EFR3A: variants seen among roughly 807,000 people sequenced by gnomAD.
The protein encoded by EFR3A is protein EFR3 homolog A.
EFR3A carries 76 observed loss-of-function variants against 104.4 expected under a neutral mutation model. The observed-to-expected ratio is 0.73, with a 90% confidence interval of 0.60 to 0.88. EFR3A has a LOEUF of 0.88. Ranked by LOEUF, EFR3A falls within the 40% of genes least tolerant of loss-of-function variation. The pLI, the probability that EFR3A is intolerant of heterozygous loss-of-function variation, is 0.00. For synonymous variants in EFR3A, 330 were observed against 330.0 expected, an observed-to-expected ratio of 1.00 and a Z score of 0.00; for missense variants, 985 against 1,012.5, an observed-to-expected ratio of 0.97 and a Z score of 0.37.
At chr8:131,992,058 T>C (rs1285542270) in intron 18 of EFR3A, among the ~76,000 whole-genome samples, 1 of 152,130 alleles carries the variant, frequency 6.6e-6, no homozygotes, top group Non-Finnish European at 1.5e-5. Flanking sequence ...TCAACATGAC[T>C]CTCTTTCTGC....
chr8:131,984,946 T>A lies in EFR3A; in HGVS notation c.1755T>A (p.Asn585Lys), dbSNP rs751678029. 65 of 1,613,302 alleles carry A rather than the reference T, an allele frequency of 4.0e-5. No homozygotes were observed. The highest frequency in any genetic ancestry group is 5.3e-5 in the Non-Finnish European group (63 of 1,179,544). The change falls in exon 16 of 23, where the codon AAT (asparagine) becomes AAA (lysine). Residue 585 changes from asparagine to lysine, a missense_variant. By Grantham distance (94) the Asn-to-Lys change is moderately conservative. Transcript: ENST00000254624. ...TATTAAAGGACAGTGCAATTATCAA[T>A]GAGGATAATTTGCCAATGTTCCATC... ...AIALQDSAII[N>K]EDNLPMFHRC...
rs143572162 is a variant in EFR3A, at chr8:132,005,700, C to G, written c.2360+2415C>G. Among the ~76,000 whole-genome samples the G allele has an allele frequency of 3.3e-3, 507 of 152,168 alleles. 3 individuals are homozygous for G. Among genetic ancestry groups the G allele is most frequent in the Non-Finnish European group, 6.0e-3 (407 of 67,990 alleles). ...TTTTAATGTTCCTCTCATAAGAGTACTAAAACATAACTAACAAGAAGACAA... is the reference window on the plus strand; with the variant it reads ...TTTTAATGTTCCTCTCATAAGAGTAGTAAAACATAACTAACAAGAAGACAA... On this transcript the variant is annotated intron_variant, in intron 22 of 22. Coordinates refer to ENST00000254624, the MANE Select transcript of EFR3A (RefSeq NM_015137.6).
chr8:131,912,981 ATTTT>A (rs3051318), intron 1 of EFR3A, among the ~76,000 whole-genome samples: 28,314 of 141,324 alleles, frequency 0.2, 2,856 homozygotes, highest in East Asian at 0.33. Context: ...TATCACTTGT[ATTTT>A]TTTTTTTTTT....
At chr8:131,989,186 C>G (rs1821039390) in intron 18 of EFR3A, among the ~76,000 whole-genome samples, 1 of 152,122 alleles carries the variant, frequency 6.6e-6, no homozygotes, top group African/African-American at 2.4e-5. Context: ...CATTAGTATC[C>G]TACCTTAATG....
At chr8:131,931,845 C>G (rs1279256821) in intron 1 of EFR3A, among the ~76,000 whole-genome samples, 2 of 151,936 alleles carry the variant, frequency 1.3e-5, no homozygotes, top group Non-Finnish European at 2.9e-5. Flanking sequence ...TGCTGCTTTT[C>G]TTCATTTTGC....
At chr8:131,906,818 T>C (rs1470718023) in intron 1 of EFR3A, among the ~76,000 whole-genome samples, 1 of 152,236 alleles carries the variant, frequency 6.6e-6, no homozygotes, top group African/African-American at 2.4e-5. Context: ...TGCTGAATGC[T>C]GTTGCAAACC....
At chr8:131,969,788 G>A (rs1218981962) in intron 9 of EFR3A, among the ~76,000 whole-genome samples, 3 of 152,040 alleles carry the variant, frequency 2.0e-5, no homozygotes, top group Non-Finnish European at 2.9e-5. Flanking sequence ...TCATCACATC[G>A]ATTAATGTCT....
chr8:131,913,137 T>G (rs1012149583), intron 1 of EFR3A, among the ~76,000 whole-genome samples: 3 of 151,300 alleles, frequency 2.0e-5, no homozygotes, highest in African/African-American at 7.3e-5. Flanking sequence ...TTTCTGTTTT[T>G]TTTTTTTTTT....
chr8:131,949,484 C>G (rs949308020), intron 4 of EFR3A, among the ~76,000 whole-genome samples: 6 of 151,962 alleles, frequency 3.9e-5, no homozygotes, highest in South Asian at 4.1e-4. Context: ...TTTTCTTCCT[C>G]TTGTTTTCTA....
intron 22 of EFR3A, among the ~76,000 whole-genome samples, chr8:132,007,391 T>C (rs1232575563): frequency 3.3e-5 from 5 of 151,896 alleles, no homozygotes; most frequent in African/African-American, 7.2e-5. Flanking sequence ...TTTTTAAACA[T>C]AGCATTAAAA....
chr8:131,917,614 T>G (rs1431589469), intron 1 of EFR3A, among the ~76,000 whole-genome samples: 1 of 152,260 alleles, frequency 6.6e-6, no homozygotes, highest in African/African-American at 2.4e-5. Flanking sequence ...TAAACACTTT[T>G]AAGTATTTGC....
intron 1 of EFR3A, chr8:131,935,450 T>A (rs28367317): frequency 0.024 from 9,932 of 419,380 alleles, 166 homozygotes; most frequent in Middle Eastern, 0.079. Context: ...GATAGAAATA[T>A]ATAATGAGGG....
chr8:132,005,027 A>G (rs1269467775), intron 22 of EFR3A, among the ~76,000 whole-genome samples: 1 of 152,226 alleles, frequency 6.6e-6, no homozygotes, highest in Non-Finnish European at 1.5e-5. Context: ...TACTACTAAT[A>G]ATTAACATTT....
intron 8 of EFR3A, among the ~76,000 whole-genome samples, chr8:131,965,258 C>G (rs1188784038): frequency 6.6e-6 from 1 of 152,034 alleles, no homozygotes; most frequent in Non-Finnish European, 1.5e-5. Context: ...GCAGAAGAAA[C>G]TACCATCAGA....
chr8:131,978,799 A>T, intron 12 of EFR3A, 48 bp from the exon 13 acceptor site: 2 of 1,367,752 alleles, frequency 1.5e-6, no homozygotes, highest in Non-Finnish European at 1.9e-6. Flanking sequence ...AATTTTACAA[A>T]AAAAGGACTC....
chr8:131,905,262 A>G (rs768618732), intron 1 of EFR3A, among the ~76,000 whole-genome samples: 2 of 152,112 alleles, frequency 1.3e-5, no homozygotes, highest in Non-Finnish European at 2.9e-5. Flanking sequence ...TTGTGAATAT[A>G]TTTCCTAGAA....
At chr8:131,918,953 A>G (rs1816867775) in intron 1 of EFR3A, among the ~76,000 whole-genome samples, 1 of 152,238 alleles carries the variant, frequency 6.6e-6, no homozygotes, top group Non-Finnish European at 1.5e-5. Context: ...GTTAGCTAAG[A>G]AAGATCCTAG....
At position 131,987,688 on chromosome 8, in the gene EFR3A, TACC is replaced by T; in HGVS notation, c.2054_2056del (p.Pro685del). 1.3e-6 allele frequency: 2 copies of T among 1,593,280 alleles called. No individual in the cohort carries two copies. The highest frequency in any genetic ancestry group is 8.6e-7 in the Non-Finnish European group (1 of 1,169,016). ...GTTGAGAGATTGTCAGTTCCGTATG[TACC>T]ACAAGTAACAGGTAAGAGGAGGATA... On this transcript the variant is annotated inframe_deletion, in exon 18 of 23. Coordinates refer to ENST00000254624, the MANE Select transcript of EFR3A (RefSeq NM_015137.6).
At chr8:131,940,389 GT>G in intron 1 of EFR3A, 109 bp from the exon 2 acceptor site, 1 of 1,025,400 alleles carries the variant, frequency 9.8e-7, no homozygotes, top group Non-Finnish European at 1.4e-6. Flanking sequence ...ATTTGTGACA[GT>G]TTGAACTTTG....
Sources: allele counts gnomAD v4.1 joint callset (sites outside exome capture counted in the v4.1 genomes callset), GRCh38; gene constraint gnomAD v4.1.1; transcripts MANE v1.5; gene names NCBI Gene and HGNC (gene_info 2026-07-23, HGNC 2026-07-21).